Variants in SCRN1 observed in about 807,000 individuals in gnomAD.
SCRN1 encodes secernin-1.
Under a neutral mutation model 43.3 loss-of-function variants are expected in SCRN1, and 19 were observed. The observed-to-expected ratio is 0.44, with a 90% CI of 0.31 to 0.64. The LOEUF is 0.64. SCRN1 is among the 30% of genes least tolerant of loss of function. SCRN1 has a pLI of 0.09. For synonymous variants in SCRN1, 183 were observed against 188.9 expected (o/e 0.97, Z 0.26); for missense variants, 447 against 524.1 (o/e 0.85, Z 1.44).
At chr7:29,932,348 G>A (rs1787182952) in intron 6 of SCRN1, among the ~76,000 whole-genome samples, 1 of 152,128 alleles carries the variant, frequency 6.6e-6, no homozygotes, top group African/African-American at 2.4e-5. Context: ...GAATTATCTA[G>A]ATGGTAATAT....
intron 1 of SCRN1, among the ~76,000 whole-genome samples, chr7:29,982,565 C>T (rs1418016207): frequency 6.6e-6 from 1 of 151,594 alleles, no homozygotes; most frequent in Non-Finnish European, 1.5e-5. Flanking sequence ...CACTTGTGGT[C>T]CCAGCTACTC....
At chr7:29,951,170 G>T (rs369693964) in intron 3 of SCRN1, among the ~76,000 whole-genome samples, 1 of 152,208 alleles carries the variant, frequency 6.6e-6, no homozygotes. Context: ...ACGTTTCTTG[G>T]TGACTGCAGT....
intron 1 of SCRN1, among the ~76,000 whole-genome samples, chr7:29,971,680 G>A (rs1788670500): frequency 6.7e-6 from 1 of 149,846 alleles, no homozygotes; most frequent in Non-Finnish European, 1.5e-5. Context: ...TGTTAAAATA[G>A]AGCAATATCT....
chr7:29,964,045 A>G (rs1583684346), intron 2 of SCRN1, among the ~76,000 whole-genome samples: 2 of 152,368 alleles, frequency 1.3e-5, no homozygotes, highest in South Asian at 4.1e-4. Context: ...AATAAGAGTT[A>G]TACAGGATGG....
intron 3 of SCRN1, among the ~76,000 whole-genome samples, chr7:29,945,659 G>C (rs1253035076): frequency 6.6e-6 from 1 of 152,146 alleles, no homozygotes; most frequent in Non-Finnish European, 1.5e-5. Flanking sequence ...GAGATAAATG[G>C]ACCCAGCTTC....
chr7:29,950,044 C>G lies in SCRN1; in HGVS notation c.341+5135G>C, dbSNP rs1273885113. Among the ~76,000 whole-genome samples the G allele has an allele frequency of 1.3e-5, 2 of 152,146 alleles. No individual in the cohort carries two copies. The highest frequency in any genetic ancestry group is 2.9e-5 in the Non-Finnish European group (2 of 68,022). On this transcript the variant is annotated intron_variant, in intron 3 of 7. Coordinates refer to ENST00000242059, the MANE Select transcript of SCRN1 (RefSeq NM_014766.5). The surrounding 1 kb of genome is among the most constrained non-coding windows in gnomAD (Gnocchi z 4.5). ...TGCTTTGCGAGGCTGGTGGGAGCCCCACCCCCTACCAAGTTGGCAGGGTGG... is the reference window on the plus strand; with the variant it reads ...TGCTTTGCGAGGCTGGTGGGAGCCCGACCCCCTACCAAGTTGGCAGGGTGG...
chr7:29,957,081 G>A (rs1444937470), intron 2 of SCRN1, among the ~76,000 whole-genome samples: 1 of 152,172 alleles, frequency 6.6e-6, no homozygotes, highest in African/African-American at 2.4e-5. Flanking sequence ...CTTAAGCACA[G>A]ATTTATCATA....
intron 1 of SCRN1, among the ~76,000 whole-genome samples, chr7:29,974,892 C>A (rs1226322224): frequency 6.6e-6 from 1 of 151,974 alleles, no homozygotes; most frequent in East Asian, 1.9e-4. Flanking sequence ...CCATGTTGGC[C>A]AGGCTGGTTT....
chr7:29,986,284 T>C (rs113553121), intron 1 of SCRN1, among the ~76,000 whole-genome samples: 5 of 152,362 alleles, frequency 3.3e-5, no homozygotes, highest in African/African-American at 1.2e-4. Flanking sequence ...TTATATTTTC[T>C]AGTAGCCACA....
At position 29,950,579 on chromosome 7, in the gene SCRN1, T is replaced by TA. The variant is rs1462968809; in HGVS notation, c.341+4599dup. On this transcript the variant is annotated intron_variant, in intron 3 of 7. Transcript: ENST00000242059. This position sits in a 1 kb window ranked among gnomAD's most constrained non-coding sequence, Gnocchi z 4.5. The stretch of plus-strand genomic sequence containing the variant: ...GAGTACGCAGCCCAGAGTGAGAACT[T>TA]ATGGTGCTTTTTCCAGGCTTGCCCA... Among the ~76,000 whole-genome samples the TA allele has an allele frequency of 5.3e-5, 8 of 152,122 alleles. No individual in the cohort carries two copies. Among genetic ancestry groups the TA allele is most frequent in the Non-Finnish European group, 1.5e-5 (1 of 68,026 alleles).
chr7:29,934,237 A>C (rs545163009), intron 6 of SCRN1, among the ~76,000 whole-genome samples: 3 of 152,334 alleles, frequency 2.0e-5, no homozygotes, highest in South Asian at 4.1e-4. Flanking sequence ...AAAGTACTTA[A>C]AATTTTTTAT....
chr7:29,943,910 G>T, intron 4 of SCRN1, 67 bp downstream of exon 4: 1 of 1,460,926 alleles, frequency 6.8e-7, no homozygotes, highest in Non-Finnish European at 9.6e-7. Context: ...GACACTGTAC[G>T]TGCAGGCCAC....
At chr7:29,932,044 G>C (rs893540956) in intron 6 of SCRN1, among the ~76,000 whole-genome samples, 1 of 152,162 alleles carries the variant, frequency 6.6e-6, no homozygotes, top group Admixed American at 6.5e-5. Flanking sequence ...AATCCATGAA[G>C]GGAGTTTCCA....
intron 5 of SCRN1, among the ~76,000 whole-genome samples, chr7:29,937,664 AG>A (rs1787389280): frequency 6.6e-6 from 1 of 152,194 alleles, no homozygotes; most frequent in Admixed American, 6.5e-5. Flanking sequence ...ATGCACAGAG[AG>A]GCATTTAGAA....
intron 1 of SCRN1, among the ~76,000 whole-genome samples, chr7:29,977,894 C>T (rs2127929338): frequency 6.6e-6 from 1 of 152,330 alleles, no homozygotes; most frequent in East Asian, 1.9e-4. Context: ...ATTTGGGACA[C>T]AGCAAGGACT....
In SCRN1 at chr7:29,968,265, C is replaced by T. The variant is rs138523475; in HGVS notation, c.159+644G>A. On this transcript the variant is annotated intron_variant, in intron 2 of 7. Transcript: ENST00000242059. ...AATATGGGGCTGGTTAACTATGATA[C>T]ATCCATAGAATGAAACACCATGCAG... Among the ~76,000 whole-genome samples the T allele has an allele frequency of 3.7e-3, 559 of 152,226 alleles. 2 individuals are homozygous for T. The highest frequency in any genetic ancestry group is 0.013 in the African/African-American group (541 of 41,534).
At chr7:29,972,025 C>T (rs976043218) in intron 1 of SCRN1, among the ~76,000 whole-genome samples, 2 of 152,162 alleles carry the variant, frequency 1.3e-5, no homozygotes, top group African/African-American at 4.8e-5. Context: ...TTCTTTCTCC[C>T]CTTAACCTTT....
intron 1 of SCRN1, among the ~76,000 whole-genome samples, chr7:29,980,455 C>T (rs1473305816): frequency 1.3e-5 from 2 of 152,272 alleles, no homozygotes; most frequent in African/African-American, 4.8e-5. Context: ...CCCATCAAAA[C>T]AGTGCATTGT....
chr7:29,988,829 T>A (rs1017645487), intron 1 of SCRN1: 1 of 152,268 alleles, frequency 6.6e-6, no homozygotes, highest in African/African-American at 2.4e-5. Flanking sequence ...TGGACATTTT[T>A]ATTCCCAAAT....
Sources: allele counts gnomAD v4.1 joint callset (sites outside exome capture counted in the v4.1 genomes callset), GRCh38; gene constraint gnomAD v4.1.1; non-coding constraint Gnocchi (gnomAD v3.1); transcripts MANE v1.5; gene names NCBI Gene and HGNC (gene_info 2026-07-23, HGNC 2026-07-21).